CNTN4: variants seen among roughly 807,000 people sequenced by gnomAD.
The protein encoded by CNTN4 is contactin-4.
CNTN4 carries 77 observed loss-of-function variants against 122.5 expected under a neutral mutation model. The ratio of observed to expected loss-of-function variants is 0.63; its 90% CI spans 0.52 to 0.76. CNTN4 has a LOEUF of 0.76. CNTN4 is among the 30% of genes least tolerant of loss of function. The pLI, the probability that CNTN4 is intolerant of heterozygous loss-of-function variation, is 0.00. For synonymous variants in CNTN4, 512 were observed against 447.0 expected (o/e 1.15, Z -1.83); for missense variants, 1,256 against 1,259.1 (o/e 1.00, Z 0.04).
At chr3:2,755,760 C>T (rs1044101039) in intron 6 of CNTN4, among the ~76,000 whole-genome samples, 1 of 152,058 alleles carries the variant, frequency 6.6e-6, no homozygotes, top group African/African-American at 2.4e-5. Flanking sequence ...CAAGAAGGTT[C>T]TGAGAGTATG....
chr3:2,311,455 CTG>C (rs2042912482), intron 2 of CNTN4, among the ~76,000 whole-genome samples: 2 of 152,086 alleles, frequency 1.3e-5, no homozygotes, highest in Non-Finnish European at 2.9e-5. Context: ...GATACTGGAA[CTG>C]TTGGGTTTTC....
intron 6 of CNTN4, among the ~76,000 whole-genome samples, chr3:2,799,038 G>T (rs1287373214): frequency 6.6e-6 from 1 of 152,110 alleles, no homozygotes; most frequent in African/African-American, 2.4e-5. Flanking sequence ...CATTCTGACT[G>T]GTTGTAAGAT....
intron 7 of CNTN4, among the ~76,000 whole-genome samples, chr3:2,848,764 T>C (rs774189000): frequency 7.9e-5 from 12 of 152,194 alleles, no homozygotes; most frequent in Non-Finnish European, 1.6e-4. Context: ...AGCTTCAAAA[T>C]TGGCCTTTAT....
intron 3 of CNTN4, among the ~76,000 whole-genome samples, chr3:2,384,748 A>AAC (rs2046173439): frequency 6.8e-6 from 1 of 146,206 alleles, no homozygotes; most frequent in Admixed American, 6.9e-5. Flanking sequence ...CACCAGTAAC[A>AAC]ACTCAATGTG....
At chr3:2,371,818 A>T (rs6793455) in intron 3 of CNTN4, among the ~76,000 whole-genome samples, 93,066 of 152,098 alleles carry the variant, frequency 0.61, 30,162 homozygotes, top group African/African-American at 0.84. Context: ...GCTAAATTGA[A>T]GCTGATGTGA....
intron 4 of CNTN4, among the ~76,000 whole-genome samples, chr3:2,721,124 A>G (rs2087826579): frequency 6.6e-6 from 1 of 152,044 alleles, no homozygotes. Flanking sequence ...GGCATGTGCC[A>G]CCACACCTGG....
Position 2,516,505 on chromosome 3 carries a change from A to G in CNTN4, c.-88-54911A>G, listed in dbSNP as rs577302063. Among the ~76,000 whole-genome samples the G allele has an allele frequency of 5.9e-4, 90 of 152,222 alleles. 1 individual carries two copies. The highest frequency in any genetic ancestry group is 2.1e-3 in the African/African-American group (88 of 41,560). On this transcript the variant is annotated intron_variant, in intron 3 of 24. Coordinates refer to ENST00000418658, the MANE Select transcript of CNTN4 (RefSeq NM_175607.3). ...GTTGACTTGAGATGTTCAATTCAAT[A>G]TTACTTAGTTAATAGCTCCAATGGC...
chr3:3,017,899 G>A (rs1322796209), intron 14 of CNTN4, among the ~76,000 whole-genome samples: 1 of 152,134 alleles, frequency 6.6e-6, no homozygotes, highest in African/African-American at 2.4e-5. Flanking sequence ...ACCTGAAAAG[G>A]ACTTTTAGCT....
chr3:2,526,078 T>C (rs2077387758), intron 3 of CNTN4, among the ~76,000 whole-genome samples: 1 of 152,054 alleles, frequency 6.6e-6, no homozygotes, highest in Admixed American at 6.6e-5. Context: ...ATACTGTACA[T>C]TTAGTGAGTT....
rs534440105 is a variant in CNTN4, at chr3:3,047,009, A to G, written c.2811+3305A>G. Among the ~76,000 whole-genome samples the G allele has an allele frequency of 6.2e-3, 915 of 147,960 alleles. 9 individuals are homozygous for G. Among genetic ancestry groups the G allele is most frequent in the Middle Eastern group, 0.034 (10 of 294 alleles). ...CTGATAAAACAGACTTTAAACCAACAAAGATCAAAAGAGACAAAGAAGGCC... is the reference window on the plus strand; with the variant it reads ...CTGATAAAACAGACTTTAAACCAACGAAGATCAAAAGAGACAAAGAAGGCC... On this transcript the variant is annotated intron_variant, in intron 23 of 24. Transcript: ENST00000418658.
intron 2 of CNTN4, among the ~76,000 whole-genome samples, chr3:2,276,871 G>A (rs1234817096): frequency 6.6e-6 from 1 of 152,014 alleles, no homozygotes; most frequent in Admixed American, 6.6e-5. Flanking sequence ...AGCCGAGATC[G>A]CTCCACTGCA....
At chr3:2,251,566 A>G (rs941468418) in intron 2 of CNTN4, among the ~76,000 whole-genome samples, 2 of 151,718 alleles carry the variant, frequency 1.3e-5, no homozygotes, top group Non-Finnish European at 3.0e-5. Context: ...CTTTCCCTTC[A>G]CTTTTTTTTT....
intron 3 of CNTN4, among the ~76,000 whole-genome samples, chr3:2,537,946 G>A (rs992072617): frequency 6.6e-6 from 1 of 151,936 alleles, no homozygotes; most frequent in Non-Finnish European, 1.5e-5. Flanking sequence ...AGAATGAATT[G>A]TGCTCCTCCC....
At chr3:2,266,172 C>G (rs985101366) in intron 2 of CNTN4, among the ~76,000 whole-genome samples, 1 of 151,896 alleles carries the variant, frequency 6.6e-6, no homozygotes, top group Admixed American at 6.6e-5. Context: ...TCAATTTTAC[C>G]CCATTCAGTA....
At chr3:2,718,203 A>G (rs2087617558) in intron 4 of CNTN4, among the ~76,000 whole-genome samples, 1 of 152,002 alleles carries the variant, frequency 6.6e-6, no homozygotes, top group Non-Finnish European at 1.5e-5. Flanking sequence ...AAATAGCCTC[A>G]TATATATTAT....
chr3:2,486,936 T>C (rs545076860), intron 3 of CNTN4, among the ~76,000 whole-genome samples: 107 of 152,318 alleles, frequency 7.0e-4, no homozygotes, highest in African/African-American at 2.5e-3. Context: ...TGTTATCTTA[T>C]GTATTTGTGT....
At chr3:2,412,592 G>T (rs1230161138) in intron 3 of CNTN4, among the ~76,000 whole-genome samples, 1 of 152,144 alleles carries the variant, frequency 6.6e-6, no homozygotes, top group Non-Finnish European at 1.5e-5. Context: ...TACCCACGTG[G>T]GGTTGTGGTT....
intron 8 of CNTN4, among the ~76,000 whole-genome samples, chr3:2,878,293 G>C (rs1337518264): frequency 6.6e-6 from 1 of 152,140 alleles, no homozygotes; most frequent in East Asian, 1.9e-4. Flanking sequence ...TTAAGTGAGT[G>C]AACTTGTACT....
At chr3:2,861,553 T>C (rs994941733) in intron 7 of CNTN4, among the ~76,000 whole-genome samples, 1 of 152,234 alleles carries the variant, frequency 6.6e-6, no homozygotes, top group African/African-American at 2.4e-5. Context: ...TTGATAAAAC[T>C]ATCTAAAGGT....
Sources: gnomAD v4.1 joint callset for allele counts (sites outside exome capture counted in the v4.1 genomes callset) on GRCh38, gnomAD v4.1.1 for gene constraint, MANE v1.5 for transcripts, NCBI Gene and HGNC (gene_info 2026-07-23, HGNC 2026-07-21) for gene names.